ZNF782: variants seen among roughly 807,000 people sequenced by gnomAD.
ZNF782 encodes the protein zinc finger protein 782.
Under a neutral mutation model 13.0 loss-of-function variants are expected in ZNF782, and 12 were observed. The observed-to-expected ratio is 0.92, with a 90% CI of 0.59 to 1.50. The LOEUF (loss-of-function observed/expected upper bound fraction) is 1.50. Ranked by LOEUF, ZNF782 falls within the 40% of genes most tolerant of loss-of-function variation. ZNF782 has a pLI of 0.00. For missense variants in ZNF782, 770 were observed against 822.9 expected, an observed-to-expected ratio of 0.94 and a Z score of 0.79; for synonymous variants, 284 against 283.0, an observed-to-expected ratio of 1.00 and a Z score of -0.04.
At chr9:96,911,729 C>T in the ZNF782 span, among the ~76,000 whole-genome samples, 3 of 151,520 alleles carry the variant, frequency 2.0e-5, no homozygotes, top group African/African-American at 4.8e-5. Flanking sequence ...ACCGTGTTAG[C>T]GAGGATGGTC....
chr9:96,867,162 G>T (rs1031031578), intron 1 of ZNF782, among the ~76,000 whole-genome samples: 1 of 152,134 alleles, frequency 6.6e-6, no homozygotes, highest in African/African-American at 2.4e-5. Context: ...GAATGATATG[G>T]TTTGGCTGTG....
At chr9:96,932,973 CTTTTCTTTTTTT>C in the ZNF782 span, among the ~76,000 whole-genome samples, 2 of 145,716 alleles carry the variant, frequency 1.4e-5, no homozygotes, top group African/African-American at 5.1e-5. Context: ...CTTTTCTTTT[CTTTTCTTTTTTT>C]TTTTTTTTTT....
chr9:96,836,079 C>T (rs1056909792), intron 4 of ZNF782, among the ~76,000 whole-genome samples: 3 of 152,210 alleles, frequency 2.0e-5, no homozygotes, highest in Admixed American at 6.5e-5. Context: ...GAAGGCTACT[C>T]CTCACACCAG....
chr9:96,913,310 A>G, the ZNF782 span, among the ~76,000 whole-genome samples: 6 of 151,734 alleles, frequency 4.0e-5, no homozygotes, highest in Non-Finnish European at 5.9e-5. Context: ...GTGAGACTCC[A>G]TTTCAAAAAA....
intron 4 of ZNF782, among the ~76,000 whole-genome samples, chr9:96,829,403 A>G (rs928186838): frequency 3.3e-5 from 5 of 152,166 alleles, no homozygotes; most frequent in African/African-American, 1.2e-4. Context: ...GATAAAGGGA[A>G]TAATTAATCA....
upstream of ZNF782, among the ~76,000 whole-genome samples, chr9:96,857,214 CTG>C (rs2118850446): frequency 6.6e-6 from 1 of 152,320 alleles, no homozygotes; most frequent in Non-Finnish European, 1.5e-5. Flanking sequence ...CACACTGGGC[CTG>C]TGTGTGTGCT....
At chr9:96,925,115 C>A in the ZNF782 span, among the ~76,000 whole-genome samples, 24 of 152,292 alleles carry the variant, frequency 1.6e-4, no homozygotes, top group East Asian at 4.5e-3. Flanking sequence ...GCGTCGTCTC[C>A]CTGCCCCGAA....
chr9:96,880,550 TTTA>T (rs1357590027), upstream of ZNF782, among the ~76,000 whole-genome samples: 4 of 152,244 alleles, frequency 2.6e-5, no homozygotes, highest in African/African-American at 9.6e-5. Flanking sequence ...CCTGTGGTGT[TTTA>T]TTTTTTCTTT....
In ZNF782 at chr9:96,854,477, C is replaced by A. The variant is rs1851606769; in HGVS notation, c.-651G>T. On this transcript the variant is annotated 5_prime_UTR_variant, in exon 1 of 6. Transcript: ENST00000481138. ...CCCCCGAGCTTCCCAAACCGCTTCCCGGGAGTCTCGAGAACCCAAATGAGG... is the reference window on the plus strand; with the variant it reads ...CCCCCGAGCTTCCCAAACCGCTTCCAGGGAGTCTCGAGAACCCAAATGAGG... 6.6e-6 allele frequency: 1 copy of A among 152,322 alleles called. No homozygotes were observed. The highest frequency in any genetic ancestry group is 2.4e-5 in the African/African-American group (1 of 41,472). 9.4% of individuals were successfully genotyped at this position (152,322 alleles called of 1,614,324 possible). A position where few individuals can be genotyped will look rare whatever the true frequency, so the allele number is the denominator to read the frequency against.
rs139524830 is a variant in ZNF782, at chr9:96,873,268, A to C, written c.-457+2200T>G. ...TGATCTGATTTAGAAGAAAAAGTCT[A>C]TCATGAATCCCTGTTTATAAGATGC... is the stretch of plus-strand genomic sequence containing the variant. On this transcript the variant is annotated intron_variant, in intron 1 of 5. Coordinates refer to the ZNF782 transcript ENST00000498811. 6.4e-3 allele frequency among the ~76,000 whole-genome samples: 976 copies of C among 152,348 alleles called. 20 individuals are homozygous for C. In the South Asian group the frequency reaches 0.089, roughly 14 times the overall value.
chr9:96,824,475 T>C (rs1850538360), intron 5 of ZNF782, among the ~76,000 whole-genome samples: 3 of 151,798 alleles, frequency 2.0e-5, no homozygotes, highest in Admixed American at 1.3e-4. Context: ...ACTGGAAGCA[T>C]TCCCTTTGAA....
chr9:96,826,512 A>G (rs1338915814), intron 5 of ZNF782, among the ~76,000 whole-genome samples: 2 of 152,342 alleles, frequency 1.3e-5, no homozygotes, highest in East Asian at 3.9e-4. Context: ...ACTAACCTGC[A>G]CATTGTGCAC....
intron 5 of ZNF782, among the ~76,000 whole-genome samples, chr9:96,825,933 A>G (rs1850602173): frequency 6.6e-6 from 1 of 151,318 alleles, no homozygotes; most frequent in East Asian, 2.0e-4. Flanking sequence ...AAATAGGAAC[A>G]CTTTTACACT....
chr9:96,931,193 A>G, the ZNF782 span, among the ~76,000 whole-genome samples: 1 of 151,864 alleles, frequency 6.6e-6, no homozygotes, highest in South Asian at 2.1e-4. Context: ...CGGCCTATCC[A>G]GTGGTTTTCT....
intron 5 of ZNF782, among the ~76,000 whole-genome samples, chr9:96,825,105 C>T (rs1207239836): frequency 2.0e-5 from 3 of 152,140 alleles, no homozygotes; most frequent in East Asian, 3.9e-4. Context: ...CAAGTCAATC[C>T]TAAGCAAAAA....
the ZNF782 span, among the ~76,000 whole-genome samples, chr9:96,927,448 T>A: frequency 0.013 from 1,966 of 151,982 alleles, 52 homozygotes; most frequent in African/African-American, 0.045. Flanking sequence ...TAATGGCTAC[T>A]CCTGACTTCC....
At chr9:96,901,476 T>C in the ZNF782 span, among the ~76,000 whole-genome samples, 2 of 151,508 alleles carry the variant, frequency 1.3e-5, no homozygotes, top group Admixed American at 6.6e-5. Context: ...TTCATTATGT[T>C]GGCCAGGCTG....
chr9:96,871,732 TAAAG>T (rs1851831246), intron 1 of ZNF782, among the ~76,000 whole-genome samples: 1 of 152,156 alleles, frequency 6.6e-6, no homozygotes, highest in African/African-American at 2.4e-5. Context: ...CAAAACTAAA[TAAAG>T]GTAAAAGAAA....
chr9:96,911,255 C>T, the ZNF782 span, among the ~76,000 whole-genome samples: 2 of 142,950 alleles, frequency 1.4e-5, no homozygotes, highest in Admixed American at 1.4e-4. Flanking sequence ...CTGGCTAACA[C>T]GGTGAAACCC....
Sources: allele counts gnomAD v4.1 joint callset (sites outside exome capture counted in the v4.1 genomes callset), GRCh38; gene constraint gnomAD v4.1.1; transcripts MANE v1.5; gene names NCBI Gene and HGNC (gene_info 2026-07-23, HGNC 2026-07-21).